HMGCLL1: variants seen among roughly 807,000 people sequenced by gnomAD.
HMGCLL1 encodes the protein 3-hydroxymethyl-3-methylglutaryl-CoA lyase, cytoplasmic.
Under a neutral mutation model 39.1 loss-of-function variants are expected in HMGCLL1, and 36 were observed. That is an observed-to-expected ratio of 0.92 (90% CI 0.71 to 1.22). HMGCLL1 has a LOEUF of 1.22. HMGCLL1 is among the 50% of genes most tolerant of loss of function. HMGCLL1 has a pLI of 0.00. For missense variants in HMGCLL1, 451 were observed against 416.5 expected (o/e 1.08, Z -0.72); for synonymous variants, 149 against 144.0 (o/e 1.03, Z -0.25).
chr6:55,591,594 T>G, the HMGCLL1 span, among the ~76,000 whole-genome samples: 1 of 151,812 alleles, frequency 6.6e-6, no homozygotes, highest in East Asian at 1.9e-4. Flanking sequence ...CTTGGTGGCC[T>G]GGCATACTCG....
At chr6:55,552,414 A>T (rs929784285) in intron 1 of HMGCLL1, among the ~76,000 whole-genome samples, 1 of 152,120 alleles carries the variant, frequency 6.6e-6, no homozygotes, top group Non-Finnish European at 1.5e-5. Context: ...TATTATCTAA[A>T]TTCAGGTATC....
chr6:55,628,040 T>A, the HMGCLL1 span, among the ~76,000 whole-genome samples: 2 of 640 alleles, frequency 3.1e-3, no homozygotes, highest in Non-Finnish European at 3.9e-3. Context: ...TAGTATATTT[T>A]ATATATATAT....
upstream of HMGCLL1, among the ~76,000 whole-genome samples, chr6:55,580,406 C>CTT (rs145371462): frequency 0.035 from 2,543 of 73,246 alleles, 398 homozygotes; most frequent in African/African-American, 0.07. Context: ...TTTTTTCTTT[C>CTT]TTTTTTTTTT....
the HMGCLL1 span, among the ~76,000 whole-genome samples, chr6:55,588,467 T>G: frequency 6.6e-6 from 1 of 151,740 alleles, no homozygotes; most frequent in South Asian, 2.1e-4. Context: ...GATCTAAAAT[T>G]GACACCCTAA....
At chr6:55,541,908 C>T (rs1769461021) in intron 2 of HMGCLL1, 72 bp from the exon 3 acceptor site, 1 of 1,012,490 alleles carries the variant, frequency 9.9e-7, no homozygotes, top group South Asian at 1.5e-5. Context: ...AAATTACTTC[C>T]TAAGTCAAAG....
chr6:55,556,865 G>T (rs1422811311), intron 1 of HMGCLL1, among the ~76,000 whole-genome samples: 1 of 152,162 alleles, frequency 6.6e-6, no homozygotes, highest in Non-Finnish European at 1.5e-5. Context: ...GGGCAGGGCA[G>T]ATGCGTACCT....
intron 3 of HMGCLL1, among the ~76,000 whole-genome samples, chr6:55,524,241 G>A (rs551536681): frequency 1.5e-4 from 22 of 151,700 alleles, no homozygotes; most frequent in East Asian, 3.9e-4. Context: ...AGAAAGAGAC[G>A]AACAAAGAAT....
At chr6:55,555,404 T>C (rs545331065) in intron 1 of HMGCLL1, among the ~76,000 whole-genome samples, 126 of 152,310 alleles carry the variant, frequency 8.3e-4, no homozygotes, top group Admixed American at 3.3e-3. Context: ...CCCCTTACTC[T>C]TTATTATGCT....
intron 3 of HMGCLL1, among the ~76,000 whole-genome samples, chr6:55,534,495 A>C (rs901391155): frequency 6.6e-6 from 1 of 152,220 alleles, no homozygotes; most frequent in Non-Finnish European, 1.5e-5. Context: ...TCATCTTTGG[A>C]ACTCTGAGCC....
intron 7 of HMGCLL1, among the ~76,000 whole-genome samples, chr6:55,483,324 G>A (rs1055846464): frequency 6.6e-6 from 1 of 152,152 alleles, no homozygotes; most frequent in Non-Finnish European, 1.5e-5. Flanking sequence ...GGAGTGCAGT[G>A]GCACGATTTC....
the HMGCLL1 span, among the ~76,000 whole-genome samples, chr6:55,628,920 G>T: frequency 2.1e-3 from 316 of 152,194 alleles, 1 homozygote; most frequent in African/African-American, 7.0e-3. Flanking sequence ...GGAACTGTAA[G>T]TCCATTAAAC....
At chr6:55,488,454 T>A (rs1013990090) in intron 7 of HMGCLL1, among the ~76,000 whole-genome samples, 5 of 152,100 alleles carry the variant, frequency 3.3e-5, no homozygotes, top group East Asian at 1.9e-4. Flanking sequence ...CACGCTTTTT[T>A]AAAATTAACC....
the HMGCLL1 span, among the ~76,000 whole-genome samples, chr6:55,647,470 T>A: frequency 3.9e-5 from 6 of 151,998 alleles, no homozygotes; most frequent in Admixed American, 3.9e-4. Flanking sequence ...AGTCTTCTCT[T>A]CCTTCTTTTC....
chr6:55,444,597 G>C (rs963685012), intron 7 of HMGCLL1, among the ~76,000 whole-genome samples: 3 of 151,910 alleles, frequency 2.0e-5, no homozygotes, highest in African/African-American at 7.2e-5. Flanking sequence ...TTTTCTAAAA[G>C]CAAAAAGGAT....
chr6:55,610,508 A>G, the HMGCLL1 span, among the ~76,000 whole-genome samples: 54,400 of 151,760 alleles, frequency 0.36, 11,494 homozygotes, highest in African/African-American at 0.59. Flanking sequence ...AGGAATGAAC[A>G]AAGCCTTTGA....
At chr6:55,554,776 A>G (rs1246668600) in intron 1 of HMGCLL1, among the ~76,000 whole-genome samples, 1 of 152,076 alleles carries the variant, frequency 6.6e-6, no homozygotes, top group Admixed American at 6.5e-5. Context: ...TCTAAAACTG[A>G]TACTTAATCC....
At chr6:55,527,379 T>G (rs912861632) in intron 3 of HMGCLL1, among the ~76,000 whole-genome samples, 21 of 151,926 alleles carry the variant, frequency 1.4e-4, no homozygotes, top group African/African-American at 5.1e-4. Context: ...TAACAAAACT[T>G]CTCAGGAGAT....
At chr6:55,565,387 TC>T (rs1290797093) in intron 1 of HMGCLL1, among the ~76,000 whole-genome samples, 10 of 152,250 alleles carry the variant, frequency 6.6e-5, no homozygotes, top group African/African-American at 2.4e-4. Context: ...ATTATTCTAA[TC>T]ATATAATTTT....
At chr6:55,464,732 T>A (rs1305071561) in intron 7 of HMGCLL1, among the ~76,000 whole-genome samples, 1 of 152,172 alleles carries the variant, frequency 6.6e-6, no homozygotes, top group African/African-American at 2.4e-5. Flanking sequence ...TTTTTGGAAT[T>A]ACGTGTTTGC....
Sources: gnomAD v4.1 joint callset for allele counts (sites outside exome capture counted in the v4.1 genomes callset) on GRCh38, gnomAD v4.1.1 for gene constraint, MANE v1.5 for transcripts, NCBI Gene and HGNC (gene_info 2026-07-23, HGNC 2026-07-21) for gene names.